The following PCLO variants were observed in gnomAD, a reference collection of about 807,000 sequenced individuals.
PCLO encodes protein piccolo.
A neutral mutation model predicts 427.5 loss-of-function variants in PCLO; 82 were observed. That is an observed-to-expected ratio of 0.19 (90% CI 0.16 to 0.23). The LOEUF (loss-of-function observed/expected upper bound fraction) is 0.23, where lower values mean the gene tolerates loss of function less well. Ranked by LOEUF, PCLO falls within the 10% of genes least tolerant of loss-of-function variation. The probability of loss-of-function intolerance (pLI) is 1.00; values close to 1 mark genes in which losing one functional copy is unlikely to be tolerated. For missense variants in PCLO, 6,239 were observed against 6,115.9 expected (o/e 1.02, Z -0.67); for synonymous variants, 2,357 against 2,155.4 (o/e 1.09, Z -2.59).
chr7:83,060,262 C>T (rs553916832), intron 3 of PCLO, among the ~76,000 whole-genome samples: 4 of 152,150 alleles, frequency 2.6e-5, no homozygotes, highest in Admixed American at 6.5e-5. Context: ...GTCCTACATG[C>T]TTCCTGGAAT....
At chr7:82,818,059 T>A (rs1791713118) in intron 20 of PCLO, among the ~76,000 whole-genome samples, 1 of 151,054 alleles carries the variant, frequency 6.6e-6, no homozygotes, top group Admixed American at 6.7e-5. Context: ...ATGGCAAGGT[T>A]TGTGTTCAAC....
chr7:82,817,028 C>A (rs1237110381), intron 20 of PCLO, among the ~76,000 whole-genome samples: 1 of 152,102 alleles, frequency 6.6e-6, no homozygotes, highest in Non-Finnish European at 1.5e-5. Flanking sequence ...CATAGTCAAT[C>A]ATTCCAAGAA....
intron 21 of PCLO, among the ~76,000 whole-genome samples, chr7:82,802,717 T>C (rs1033414992): frequency 2.6e-5 from 4 of 152,172 alleles, no homozygotes; most frequent in Non-Finnish European, 5.9e-5. Context: ...TAATTATAAC[T>C]TTCATAGGAA....
Position 83,162,758 on chromosome 7 carries a change from G to T in PCLO, c.-166C>A. The T allele has an allele frequency of 1.2e-6, 1 of 855,580 alleles. No individual in the cohort carries two copies. Among genetic ancestry groups the T allele is most frequent in the South Asian group, 1.8e-5 (1 of 54,420 alleles). The allele number at this position is 855,580 out of a possible 1,614,324, so 53.0% of individuals were successfully genotyped here. ...CTGCCGCCCGGAACGCCAGGCAGGG[G>T]TTAGTCCCGCTCGCAGGTAACGCCC... is the stretch of plus-strand genomic sequence containing the variant. On this transcript the variant is annotated 5_prime_UTR_variant, in exon 1 of 25. Transcript: ENST00000333891.
At chr7:82,937,038 T>C (rs540255237) in intron 6 of PCLO, among the ~76,000 whole-genome samples, 198 of 151,734 alleles carry the variant, frequency 1.3e-3, no homozygotes, top group Admixed American at 1.8e-3. Flanking sequence ...GGATTTTATT[T>C]TGGCATGATT....
intron 10 of PCLO, among the ~76,000 whole-genome samples, chr7:82,862,598 C>T (rs1190864452): frequency 7.1e-6 from 1 of 140,970 alleles, no homozygotes; most frequent in African/African-American, 2.6e-5. Flanking sequence ...GAATTGGAAG[C>T]AACCTAACTG....
At chr7:83,150,386 G>A (rs1301476651) in intron 2 of PCLO, among the ~76,000 whole-genome samples, 1 of 152,196 alleles carries the variant, frequency 6.6e-6, no homozygotes, top group African/African-American at 2.4e-5. Flanking sequence ...TAGGCTTGCA[G>A]CCAGTGGATT....
rs756576981 is a variant in PCLO, at chr7:82,915,821, G to A, written c.12165C>T (p.Ile4055=). Residue 4055 remains isoleucine (I), a synonymous_variant, in exon 7 of 25, where the codon ATC becomes ATT. Coordinates refer to ENST00000333891, the MANE Select transcript of PCLO (RefSeq NM_033026.6). ...TGCTTAATGCCGCTGTTCCTTTGGT[G>A]ATCTCTCCAATGTCGTCAATTAGGA... ...NYVLIDDIGE[I]TKGTAALSTA... 29 of 1,613,228 alleles carry A rather than the reference G, an allele frequency of 1.8e-5. No individual in the cohort carries two copies. In the Admixed American group the frequency reaches 2.3e-4, roughly 13 times the overall value.
chr7:83,092,697 C>G (rs1383345457), intron 3 of PCLO, among the ~76,000 whole-genome samples: 1 of 151,904 alleles, frequency 6.6e-6, no homozygotes, highest in African/African-American at 2.4e-5. Flanking sequence ...TGCCTGTAAT[C>G]CCAGCACTTT....
intron 6 of PCLO, among the ~76,000 whole-genome samples, chr7:82,937,195 T>C (rs1435863498): frequency 6.6e-6 from 1 of 151,712 alleles, no homozygotes; most frequent in East Asian, 1.9e-4. Flanking sequence ...TTAAAAGGTA[T>C]CATTACTGTC....
At chr7:83,150,503 T>C (rs995504372) in intron 2 of PCLO, among the ~76,000 whole-genome samples, 2 of 152,182 alleles carry the variant, frequency 1.3e-5, no homozygotes, top group African/African-American at 2.4e-5. Flanking sequence ...AAAGTGCTCA[T>C]GTGTGGCAGG....
rs755642854 is a variant in PCLO, at chr7:82,846,645, A to G, written c.13764-11T>C. 6.4e-7 allele frequency: 1 copy of G among 1,566,514 alleles called. No homozygotes were observed. Among genetic ancestry groups the G allele is most frequent in the South Asian group, 1.2e-5 (1 of 86,752 alleles). ...AGCATATTGAGGTCCCTAAAAATTA[A>G]AACAAAACATTAAGAAAGATATTGA... On this transcript the variant is annotated splice_polypyrimidine_tract_variant and intron_variant, in intron 11 of 24. Transcript: ENST00000333891.
chr7:83,162,316 C>T (rs764589477), intron 1 of PCLO, 29 bp downstream of exon 1: 5 of 1,573,396 alleles, frequency 3.2e-6, no homozygotes, highest in Non-Finnish European at 1.7e-6. Flanking sequence ...TACATATATG[C>T]CCGGACATAT....
intron 3 of PCLO, among the ~76,000 whole-genome samples, chr7:83,012,869 T>G (rs573317710): frequency 6.6e-6 from 1 of 152,164 alleles, no homozygotes; most frequent in African/African-American, 2.4e-5. Context: ...TTTAGATTAG[T>G]TTTGAAAGCA....
chr7:83,049,307 CAT>C (rs1181384719), intron 3 of PCLO, among the ~76,000 whole-genome samples: 2 of 152,118 alleles, frequency 1.3e-5, no homozygotes, highest in African/African-American at 4.8e-5. Context: ...CATGATGCAA[CAT>C]GTGTTGTACC....
At chr7:82,785,062 T>C (rs547024322) in intron 22 of PCLO, among the ~76,000 whole-genome samples, 1 of 152,330 alleles carries the variant, frequency 6.6e-6, no homozygotes, top group Non-Finnish European at 1.5e-5. Context: ...TTATTTTATA[T>C]TTCATTTTTT....
chr7:83,105,284 AAT>A (rs1790826094), intron 3 of PCLO, among the ~76,000 whole-genome samples: 1 of 152,196 alleles, frequency 6.6e-6, no homozygotes, highest in Non-Finnish European at 1.5e-5. Context: ...CTCAAATCAG[AAT>A]ATCCTCCATT....
Position 83,134,396 on chromosome 7 carries a change from A to T in PCLO, c.3154T>A (p.Ser1052Thr). ...GGACAGGTTGATTCTGGTTTGGGCG[A>T]TTTCTCCAGTTTTGTGGGAAGGACA... ...KAVLPTKLEK[S>T]PKPESTCPLC... Residue 1052 changes from serine (S) to threonine (T), a missense_variant, in exon 3 of 25, where the codon TCG (serine) becomes ACG (threonine). Around this residue, in one of 5 missense-constraint regions of PCLO, gnomAD observed 4,677 missense variants for 4,468.4 expected, o/e 1.05. Coordinates refer to ENST00000333891, the MANE Select transcript of PCLO (RefSeq NM_033026.6). 1 of 1,613,626 alleles carries T rather than the reference A, an allele frequency of 6.2e-7. No homozygotes were observed. The highest frequency in any genetic ancestry group is 1.3e-5 in the African/African-American group (1 of 74,968).
chr7:83,135,914 A>G (rs1026003183), intron 2 of PCLO, among the ~76,000 whole-genome samples: 4 of 152,066 alleles, frequency 2.6e-5, no homozygotes, highest in African/African-American at 9.7e-5. Context: ...CCTGACCAAC[A>G]TAGTGAAACC....
Sources: allele counts gnomAD v4.1 joint callset (sites outside exome capture counted in the v4.1 genomes callset), GRCh38; gene constraint gnomAD v4.1.1; regional missense constraint gnomAD v4.1.1; transcripts MANE v1.5; gene names NCBI Gene and HGNC (gene_info 2026-07-23, HGNC 2026-07-21).